The following NWD2 variants were observed in gnomAD, a reference collection of about 807,000 sequenced individuals.
NWD2 encodes NACHT and WD repeat domain containing 2.
A neutral mutation model predicts 132.7 loss-of-function variants in NWD2; 37 were observed. The ratio of observed to expected loss-of-function variants is 0.28; its 90% confidence interval spans 0.21 to 0.37. NWD2 has a LOEUF of 0.37. Among genes scored for constraint, NWD2 ranks in the 10% least tolerant of loss-of-function variants. The pLI is 1.00. For synonymous variants in NWD2, 705 were observed against 803.0 expected, an observed-to-expected ratio of 0.88 and a Z score of 2.06; for missense variants, 1,592 against 2,122.4, an observed-to-expected ratio of 0.75 and a Z score of 4.91.
At chr4:37,388,254 G>A (rs1221845762) in intron 3 of NWD2, among the ~76,000 whole-genome samples, 5 of 152,046 alleles carry the variant, frequency 3.3e-5, no homozygotes, top group Non-Finnish European at 5.9e-5. Context: ...TGCAACCTCA[G>A]GTCCCTGCAA....
At chr4:37,310,791 AC>A (rs1246672742) in intron 1 of NWD2, among the ~76,000 whole-genome samples, 1 of 57,828 alleles carries the variant, frequency 1.7e-5, no homozygotes, top group Non-Finnish European at 3.1e-5. Context: ...CCCTCCCCCC[AC>A]CCCACAACAG....
chr4:37,294,945 G>T lies in NWD2; in HGVS notation c.152-30991G>T, dbSNP rs576054135. Reference sequence around the variant, plus strand: ...ATGTTTGAGGGCTTCAATATTTAAAGTGGAATAGTGGGCTAGAGGGAAAGG... The same window carrying T: ...ATGTTTGAGGGCTTCAATATTTAAATTGGAATAGTGGGCTAGAGGGAAAGG... On this transcript the variant is annotated intron_variant, in intron 1 of 6. Coordinates refer to ENST00000309447, the MANE Select transcript of NWD2 (RefSeq NM_001144990.2). 1.6e-4 allele frequency among the ~76,000 whole-genome samples: 25 copies of T among 152,308 alleles called. 1 individual carries two copies. The highest frequency in any genetic ancestry group is 5.1e-4 in the African/African-American group (21 of 41,568).
intron 3 of NWD2, among the ~76,000 whole-genome samples, chr4:37,373,939 A>G (rs1720286559): frequency 6.6e-6 from 1 of 152,258 alleles, no homozygotes; most frequent in East Asian, 1.9e-4. Flanking sequence ...TCTCAGTAGC[A>G]TGCAGAGGAC....
At chr4:37,350,364 A>G (rs537557154) in intron 2 of NWD2, among the ~76,000 whole-genome samples, 1 of 152,246 alleles carries the variant, frequency 6.6e-6, no homozygotes, top group South Asian at 2.1e-4. Flanking sequence ...TTCCTTGAGC[A>G]GTATTTTGTA....
At chr4:37,393,780 C>T (rs553427074) in intron 3 of NWD2, among the ~76,000 whole-genome samples, 1 of 152,310 alleles carries the variant, frequency 6.6e-6, no homozygotes, top group East Asian at 1.9e-4. Flanking sequence ...AACTTAACAT[C>T]CCTCTCTCCT....
intron 3 of NWD2, among the ~76,000 whole-genome samples, chr4:37,380,845 A>ATT (rs1720437906): frequency 2.6e-5 from 4 of 152,200 alleles, no homozygotes; most frequent in Admixed American, 6.5e-5. Context: ...TGATTCTGAC[A>ATT]AACTATTTAA....
Position 37,443,641 on chromosome 4 carries a change from G to A in NWD2, c.1653G>A (p.Gly551=). Residue 551 remains glycine, a synonymous_variant, in exon 7 of 7, where the codon GGG becomes GGA. Transcript: ENST00000309447. The surrounding 1 kb of genome is among the most constrained non-coding windows in gnomAD (Gnocchi z 4.1). The stretch of plus-strand genomic sequence containing the variant: ...TTTCCACGCTGCCCAACAAACATGG[G>A]ATCTTGCAGAAACTAAGGTGCCTTA... ...IVLSTLPNKH[G]ILQKLRCLIH... The A allele has an allele frequency of 6.4e-7, 1 of 1,552,048 alleles. No homozygotes were observed. Among genetic ancestry groups the A allele is most frequent in the Non-Finnish European group, 8.7e-7 (1 of 1,147,076 alleles).
chr4:37,382,738 T>G (rs531955627), intron 3 of NWD2, among the ~76,000 whole-genome samples: 2 of 152,226 alleles, frequency 1.3e-5, no homozygotes, highest in South Asian at 4.2e-4. Context: ...TCACCCAGGC[T>G]GGAGTGCAAT....
chr4:37,289,298 C>G (rs1718310353), intron 1 of NWD2, among the ~76,000 whole-genome samples: 1 of 152,130 alleles, frequency 6.6e-6, no homozygotes, highest in Non-Finnish European at 1.5e-5. Flanking sequence ...CTTTTCATAG[C>G]TGAAGCACTC....
At chr4:37,365,269 C>T (rs1160886319) in intron 3 of NWD2, among the ~76,000 whole-genome samples, 1 of 152,012 alleles carries the variant, frequency 6.6e-6, no homozygotes, top group Non-Finnish European at 1.5e-5. Flanking sequence ...TTTAGGTATA[C>T]AAAACAAAAT....
intron 1 of NWD2, among the ~76,000 whole-genome samples, chr4:37,299,965 A>G (rs1305996019): frequency 6.6e-6 from 1 of 152,132 alleles, no homozygotes; most frequent in African/African-American, 2.4e-5. Flanking sequence ...CCCATACACT[A>G]TACTGTAACA....
chr4:37,422,368 A>G (rs1188823492), intron 3 of NWD2, among the ~76,000 whole-genome samples: 3 of 152,196 alleles, frequency 2.0e-5, no homozygotes, highest in Non-Finnish European at 4.4e-5. Context: ...AACCCAGCAT[A>G]ATTATTTTAA....
At chr4:37,322,363 C>T (rs909588190) in intron 1 of NWD2, among the ~76,000 whole-genome samples, 1 of 152,066 alleles carries the variant, frequency 6.6e-6, no homozygotes, top group Non-Finnish European at 1.5e-5. Flanking sequence ...GAGGAGGTGG[C>T]ATTAAAGCTG....
chr4:37,375,702 A>G (rs1372349133), intron 3 of NWD2, among the ~76,000 whole-genome samples: 1 of 151,444 alleles, frequency 6.6e-6, no homozygotes, highest in African/African-American at 2.4e-5. Flanking sequence ...CCGAGTAGTT[A>G]GGACTACAGG....
chr4:37,396,952 G>C (rs1384501410), intron 3 of NWD2, among the ~76,000 whole-genome samples: 1 of 151,908 alleles, frequency 6.6e-6, no homozygotes, highest in Non-Finnish European at 1.5e-5. Flanking sequence ...AGAATTGCTT[G>C]AACCCAGGAG....
At chr4:37,438,078 G>A (rs1427869153) in intron 5 of NWD2, among the ~76,000 whole-genome samples, 3 of 151,948 alleles carry the variant, frequency 2.0e-5, no homozygotes, top group African/African-American at 4.8e-5. Context: ...TGGCTAACAC[G>A]GTGAAACCCC....
chr4:37,287,274 C>T (rs1718253238), intron 1 of NWD2, among the ~76,000 whole-genome samples: 1 of 152,222 alleles, frequency 6.6e-6, no homozygotes, highest in Admixed American at 6.5e-5. Context: ...CTGCAGAGCT[C>T]CCAGGGAAAG....
chr4:37,297,568 C>T (rs1718521792), intron 1 of NWD2, among the ~76,000 whole-genome samples: 1 of 152,138 alleles, frequency 6.6e-6, no homozygotes, highest in East Asian at 1.9e-4. Context: ...GTATTACCAT[C>T]TATACATTTA....
chr4:37,296,370 C>T (rs1051153433), intron 1 of NWD2, among the ~76,000 whole-genome samples: 4 of 152,178 alleles, frequency 2.6e-5, no homozygotes, highest in African/African-American at 7.2e-5. Flanking sequence ...ATTGATTGCT[C>T]GATACAAATA....
Sources: allele counts gnomAD v4.1 joint callset (sites outside exome capture counted in the v4.1 genomes callset), GRCh38; gene constraint gnomAD v4.1.1; non-coding constraint Gnocchi (gnomAD v3.1); transcripts MANE v1.5; gene names NCBI Gene and HGNC (gene_info 2026-07-23, HGNC 2026-07-21).